Variants in THRB observed in about 807,000 individuals in gnomAD.
THRB encodes nuclear receptor subfamily 1 group A member 2.
In THRB, 12 loss-of-function variants were observed where a neutral mutation model predicts 47.8. The observed-to-expected ratio is 0.25, with a 90% CI of 0.16 to 0.41. THRB has a LOEUF of 0.41. THRB is among the 10% of genes least tolerant of loss of function. The pLI is 1.00. For missense variants in THRB, 348 were observed against 589.2 expected (o/e 0.59, Z 4.24); for synonymous variants, 218 against 212.2 (o/e 1.03, Z -0.24).
chr3:24,236,380 C>A (rs1470125953), intron 3 of THRB, among the ~76,000 whole-genome samples: 1 of 152,064 alleles, frequency 6.6e-6, no homozygotes, highest in Non-Finnish European at 1.5e-5. Flanking sequence ...TGCTGAGGAC[C>A]AAAGCAATTG....
At chr3:24,337,744 G>A (rs77738818) in intron 1 of THRB, among the ~76,000 whole-genome samples, 4,738 of 152,238 alleles carry the variant, frequency 0.031, 91 homozygotes, top group African/African-American at 0.052. Context: ...TGCGTTAAAG[G>A]GAATCCTGCT....
In THRB at chr3:24,123,100, C is replaced by T. The variant is rs774658189; in HGVS notation, c.1170G>A (p.Glu390=). ...SSDRPGLACV[E]RIEKYQDSFL... is the part of the protein sequence containing the mutation. ...AACTATCTTGGTACTTTTCTATTCT[C>T]TCAACACAGGCAAGCCCCGGGCGAT... The change falls in exon 11 of 11, where the codon GAG becomes GAA. Residue 390 remains glutamate (E), a synonymous_variant. Coordinates refer to ENST00000646209, the MANE Select transcript of THRB (RefSeq NM_001354712.2). 6 of 1,614,146 alleles carry T rather than the reference C, an allele frequency of 3.7e-6. No individual in the cohort carries two copies. The highest frequency in any genetic ancestry group is 1.1e-5 in the South Asian group (1 of 91,068).
At position 24,204,487 on chromosome 3, in the gene THRB, C is replaced by G. The variant is rs1004181917; in HGVS notation, c.23-14153G>C. Among the ~76,000 whole-genome samples, 7 of 152,288 alleles carry G rather than the reference C, an allele frequency of 4.6e-5. No homozygotes were observed. In the East Asian group the frequency reaches 1.4e-3, roughly 29 times the overall value. On this transcript the variant is annotated intron_variant, in intron 4 of 10. Transcript: ENST00000646209. ...CTAACAAACAGAAAGGACATCCACA[C>G]CAAAAGCCCATCTGTACGTCACCAT...
intron 3 of THRB, among the ~76,000 whole-genome samples, chr3:24,231,030 G>A (rs557092757): frequency 7.9e-5 from 12 of 152,256 alleles, no homozygotes; most frequent in Non-Finnish European, 1.5e-4. Context: ...GGTGTCTCTC[G>A]GCTCTTCCTG....
At chr3:24,245,563 A>G (rs1311945011) in intron 3 of THRB, among the ~76,000 whole-genome samples, 3 of 152,164 alleles carry the variant, frequency 2.0e-5, no homozygotes, top group African/African-American at 4.8e-5. Flanking sequence ...TCCACAGATT[A>G]CCATGCCTCC....
intron 1 of THRB, among the ~76,000 whole-genome samples, chr3:24,484,432 A>G (rs1280542289): frequency 6.6e-6 from 1 of 152,150 alleles, no homozygotes; most frequent in African/African-American, 2.4e-5. Context: ...TTAGAAAGTA[A>G]AATATATTCT....
chr3:24,153,937 C>T (rs150694343), intron 5 of THRB, among the ~76,000 whole-genome samples: 4 of 152,230 alleles, frequency 2.6e-5, no homozygotes, highest in African/African-American at 7.2e-5. Flanking sequence ...TGTATCTTAC[C>T]GTGACATTTC....
chr3:24,294,194 G>A (rs2056237885), intron 3 of THRB, among the ~76,000 whole-genome samples: 1 of 152,204 alleles, frequency 6.6e-6, no homozygotes, highest in African/African-American at 2.4e-5. Flanking sequence ...GCCATGCTGT[G>A]AGGAAGCCCA....
intron 1 of THRB, among the ~76,000 whole-genome samples, chr3:24,428,538 G>A (rs1415702870): frequency 2.0e-5 from 3 of 152,018 alleles, no homozygotes; most frequent in Non-Finnish European, 2.9e-5. Flanking sequence ...GTGGTGGCAA[G>A]TTTTTAAAAC....
chr3:24,211,106 C>T (rs907751590), intron 4 of THRB, among the ~76,000 whole-genome samples: 5 of 149,522 alleles, frequency 3.3e-5, no homozygotes, highest in South Asian at 4.2e-4. Flanking sequence ...AGGCTGAGGC[C>T]GGAGAATCAC....
chr3:24,493,136 T>A (rs893739399), intron 1 of THRB, among the ~76,000 whole-genome samples: 3 of 152,224 alleles, frequency 2.0e-5, no homozygotes, highest in African/African-American at 7.2e-5. Context: ...CCACCTGGCA[T>A]GAAAACATCC....
chr3:24,345,236 T>C (rs566212211), intron 1 of THRB, among the ~76,000 whole-genome samples: 58 of 152,254 alleles, frequency 3.8e-4, no homozygotes, highest in African/African-American at 1.4e-3. Flanking sequence ...TCTTCTCTCT[T>C]AGGTAGAATT....
chr3:24,459,007 G>A (rs535963301), intron 1 of THRB: 19 of 151,410 alleles, frequency 1.3e-4, no homozygotes, highest in Non-Finnish European at 1.2e-4. Flanking sequence ...TGTGCAGAAC[G>A]TGCAGTTTTG....
chr3:24,484,774 T>C (rs1577931341), intron 1 of THRB, among the ~76,000 whole-genome samples: 4 of 152,320 alleles, frequency 2.6e-5, no homozygotes, highest in South Asian at 4.1e-4. Flanking sequence ...CTGAAAAGCT[T>C]AAAATATTTA....
rs1367973816 is a variant in THRB at position 24,139,027 on chromosome 3, T to C, written c.738+4474A>G. Among the ~76,000 whole-genome samples, 8 of 152,320 alleles carry C rather than the reference T, an allele frequency of 5.3e-5. No individual in the cohort carries two copies. The East Asian group carries it at 1.4e-3, about 26-fold the overall frequency. On this transcript the variant is annotated intron_variant, in intron 8 of 10. Coordinates refer to ENST00000646209, the MANE Select transcript of THRB (RefSeq NM_001354712.2). ...CTGGAGGTCTAGAAGCGAGCTACCC[T>C]TGGTGGAGTGACCTGCTTTCCCTTG...
chr3:24,271,290 C>A (rs2053299155), intron 3 of THRB, among the ~76,000 whole-genome samples: 2 of 152,158 alleles, frequency 1.3e-5, no homozygotes, highest in Admixed American at 1.3e-4. Flanking sequence ...ACAATCAGAA[C>A]TTGCTCTTTT....
intron 3 of THRB, among the ~76,000 whole-genome samples, chr3:24,278,957 C>G (rs559715888): frequency 6.6e-6 from 1 of 152,030 alleles, no homozygotes; most frequent in South Asian, 2.1e-4. Context: ...TGATCCTTCC[C>G]CCTCAGCCTC....
At chr3:24,412,984 C>G (rs1560127437) in intron 1 of THRB, among the ~76,000 whole-genome samples, 1 of 150,990 alleles carries the variant, frequency 6.6e-6, no homozygotes, top group African/African-American at 2.4e-5. Context: ...ATCAATTTAC[C>G]AAAAAAAACT....
intron 1 of THRB, among the ~76,000 whole-genome samples, chr3:24,462,814 C>T (rs2073816389): frequency 1.3e-5 from 2 of 152,182 alleles, no homozygotes; most frequent in South Asian, 4.1e-4. Flanking sequence ...TGGCAGCAGT[C>T]ACCCAGAAGC....
Sources: gnomAD v4.1 joint callset for allele counts (sites outside exome capture counted in the v4.1 genomes callset) on GRCh38, gnomAD v4.1.1 for gene constraint, MANE v1.5 for transcripts, NCBI Gene and HGNC (gene_info 2026-07-23, HGNC 2026-07-21) for gene names.